Variants in EYS observed in about 807,000 individuals in gnomAD.
EYS encodes the protein EGF-like photoreceptor maintenance factor.
A neutral mutation model predicts 282.1 loss-of-function variants in EYS; 250 were observed. The observed-to-expected ratio is 0.89, with a 90% CI of 0.80 to 0.98. The LOEUF (loss-of-function observed/expected upper bound fraction) is 0.98, where lower values mean the gene tolerates loss of function less well. Among genes scored for constraint, EYS ranks in the 50% least tolerant of loss-of-function variants. The pLI is 0.00. For missense variants in EYS, 4,016 were observed against 3,709.0 expected, an observed-to-expected ratio of 1.08 and a Z score of -2.15; for synonymous variants, 1,355 against 1,282.9, an observed-to-expected ratio of 1.06 and a Z score of -1.20.
chr6:64,670,009 C>T (rs771736925), intron 22 of EYS, among the ~76,000 whole-genome samples: 1 of 152,088 alleles, frequency 6.6e-6, no homozygotes, highest in Non-Finnish European at 1.5e-5. Context: ...TTTAAAAACT[C>T]TTATAAGCTT....
At chr6:65,444,082 TAGA>T (rs931301048) in intron 5 of EYS, among the ~76,000 whole-genome samples, 12 of 152,074 alleles carry the variant, frequency 7.9e-5, no homozygotes, top group African/African-American at 2.6e-4. Flanking sequence ...GCAGTTTTAT[TAGA>T]AGGACATTAA....
intron 31 of EYS, among the ~76,000 whole-genome samples, chr6:64,142,215 A>T (rs947815193): frequency 1.3e-5 from 2 of 152,118 alleles, no homozygotes; most frequent in Admixed American, 1.3e-4. Context: ...ATACTTGAAG[A>T]GTATCCAATA....
intron 32 of EYS, among the ~76,000 whole-genome samples, chr6:64,077,178 T>C (rs995031078): frequency 7.2e-5 from 11 of 151,988 alleles, no homozygotes; most frequent in Admixed American, 7.2e-4. Flanking sequence ...TAAGGAGGGA[T>C]GAAGATATTC....
At chr6:65,707,013 A>C (rs1304514144) in intron 1 of EYS, 122 bp downstream of exon 1, 2 of 152,228 alleles carry the variant, frequency 1.3e-5, no homozygotes, top group Admixed American at 1.3e-4. Context: ...AATAAGTAAA[A>C]ATAACTGGTT....
intron 12 of EYS, among the ~76,000 whole-genome samples, chr6:65,145,466 A>G (rs1288796310): frequency 1.3e-5 from 2 of 151,992 alleles, no homozygotes; most frequent in African/African-American, 4.8e-5. Context: ...TTACAATGAA[A>G]GATGCATTAT....
chr6:65,146,295 A>G (rs1487119179), intron 12 of EYS, among the ~76,000 whole-genome samples: 1 of 151,948 alleles, frequency 6.6e-6, no homozygotes, highest in Non-Finnish European at 1.5e-5. Flanking sequence ...AAAATAACTG[A>G]CATAAACAAT....
At chr6:63,736,849 A>G (rs1289691522) in intron 41 of EYS, among the ~76,000 whole-genome samples, 1 of 152,018 alleles carries the variant, frequency 6.6e-6, no homozygotes, top group Admixed American at 6.6e-5. Context: ...CTTTGAAGCA[A>G]TTGTGAATGG....
At chr6:64,208,063 G>A (rs1039995893) in intron 31 of EYS, among the ~76,000 whole-genome samples, 4 of 152,186 alleles carry the variant, frequency 2.6e-5, no homozygotes, top group Non-Finnish European at 5.9e-5. Context: ...GTGAATAGTG[G>A]AGTGCTATGG....
intron 35 of EYS, among the ~76,000 whole-genome samples, chr6:63,949,331 C>G (rs1295254223): frequency 1.3e-5 from 2 of 152,184 alleles, no homozygotes; most frequent in African/African-American, 4.8e-5. Context: ...TCTAGCCATA[C>G]TAATCTCCTT....
intron 24 of EYS, among the ~76,000 whole-genome samples, chr6:64,601,367 C>T (rs1766755024): frequency 6.6e-6 from 1 of 151,964 alleles, no homozygotes; most frequent in South Asian, 2.1e-4. Flanking sequence ...CAGTACTGAA[C>T]TGCTGATTCA....
rs192901829 is a variant in EYS, at chr6:65,470,181, T to C, written c.862+20413A>G. ...AAGGAGAAAAATATGCTGATGTCAT[T>C]AATGTTTAAAAACATTCCTTTTACC... On this transcript the variant is annotated intron_variant, in intron 5 of 42. Transcript: ENST00000503581. 8.1e-4 allele frequency among the ~76,000 whole-genome samples: 124 copies of C among 152,288 alleles called. 1 individual carries two copies. The highest frequency in any genetic ancestry group is 1.6e-3 in the Non-Finnish European group (112 of 67,994).
intron 6 of EYS, 121 bp downstream of exon 6, chr6:65,405,053 C>T (rs749185459): frequency 1.7e-5 from 12 of 694,564 alleles, no homozygotes; most frequent in Non-Finnish European, 2.7e-5. Context: ...CGTTCTTGTT[C>T]GTCTGAGTTT....
intron 35 of EYS, among the ~76,000 whole-genome samples, chr6:63,952,745 C>A (rs1486720411): frequency 6.6e-6 from 1 of 152,128 alleles, no homozygotes; most frequent in Non-Finnish European, 1.5e-5. Flanking sequence ...TCACATCCTC[C>A]CCTTGTATCT....
chr6:65,009,267 T>C (rs1034636791), intron 13 of EYS, among the ~76,000 whole-genome samples: 1 of 152,046 alleles, frequency 6.6e-6, no homozygotes, highest in African/African-American at 2.4e-5. Flanking sequence ...ATTAAGGACC[T>C]AAAAGCCCAA....
At chr6:64,921,403 T>C (rs1279320404) in intron 15 of EYS, among the ~76,000 whole-genome samples, 1 of 152,090 alleles carries the variant, frequency 6.6e-6, no homozygotes, top group Non-Finnish European at 1.5e-5. Context: ...CAGATGGAAC[T>C]ATAGAAATAA....
At chr6:63,909,914 A>G (rs879446574) in intron 35 of EYS, among the ~76,000 whole-genome samples, 1 of 152,158 alleles carries the variant, frequency 6.6e-6, no homozygotes, top group Non-Finnish European at 1.5e-5. Context: ...AATGTTGTGT[A>G]TTGATTTGGA....
chr6:64,704,911 C>T (rs1380559102), intron 22 of EYS, among the ~76,000 whole-genome samples: 1 of 151,982 alleles, frequency 6.6e-6, no homozygotes, highest in Non-Finnish European at 1.5e-5. Flanking sequence ...CCGTTGAAAA[C>T]TGGAACAAGA....
intron 12 of EYS, among the ~76,000 whole-genome samples, chr6:65,263,798 G>A (rs1469933860): frequency 6.6e-6 from 1 of 151,506 alleles, no homozygotes; most frequent in Admixed American, 6.6e-5. Flanking sequence ...TTACTTGATA[G>A]GCAGAGGCAG....
intron 14 of EYS, among the ~76,000 whole-genome samples, chr6:64,953,462 G>A (rs1262430399): frequency 6.6e-6 from 1 of 151,662 alleles, no homozygotes. Context: ...TTATTTAAAT[G>A]TTATTTTAAG....
Sources: allele counts gnomAD v4.1 joint callset (sites outside exome capture counted in the v4.1 genomes callset), GRCh38; gene constraint gnomAD v4.1.1; transcripts MANE v1.5; gene names NCBI Gene and HGNC (gene_info 2026-07-23, HGNC 2026-07-21).